The following MCPH1 variants were observed in gnomAD, a reference collection of about 807,000 sequenced individuals.
MCPH1 encodes the protein microcephalin.
In MCPH1, 104 loss-of-function variants were observed where a neutral mutation model predicts 84.5. The observed-to-expected ratio is 1.23, with a 90% CI of 1.05 to 1.45. MCPH1 has a LOEUF of 1.45. Ranked by LOEUF, MCPH1 falls within the 40% of genes most tolerant of loss-of-function variation. The pLI is 0.00. For synonymous variants in MCPH1, 514 were observed against 366.8 expected, an observed-to-expected ratio of 1.40 and a Z score of -4.58; for missense variants, 1,498 against 1,005.7, an observed-to-expected ratio of 1.49 and a Z score of -6.62.
At chr8:6,421,173 A>T (rs1800140759) in intron 3 of MCPH1, among the ~76,000 whole-genome samples, 1 of 152,110 alleles carries the variant, frequency 6.6e-6, no homozygotes, top group Non-Finnish European at 1.5e-5. Context: ...TTGTCTCTTA[A>T]TGTGCATGCC....
At chr8:6,515,141 C>G (rs1226754386) in intron 12 of MCPH1, among the ~76,000 whole-genome samples, 1 of 152,072 alleles carries the variant, frequency 6.6e-6, no homozygotes, top group South Asian at 2.1e-4. Context: ...GGCCCCGAAC[C>G]CCACATCTCC....
intron 13 of MCPH1, among the ~76,000 whole-genome samples, chr8:6,634,319 C>T (rs1309429134): frequency 6.6e-6 from 1 of 152,168 alleles, no homozygotes. Context: ...CACAAGGCAG[C>T]GTCGAAACTC....
intron 1 of MCPH1, among the ~76,000 whole-genome samples, chr8:6,408,034 A>G (rs1341965201): frequency 6.6e-6 from 1 of 152,222 alleles, no homozygotes; most frequent in Non-Finnish European, 1.5e-5. Context: ...CAAATACTGT[A>G]TTGGCCACAA....
intron 11 of MCPH1, among the ~76,000 whole-genome samples, chr8:6,485,076 C>T (rs1187448883): frequency 6.6e-6 from 1 of 152,080 alleles, no homozygotes; most frequent in Non-Finnish European, 1.5e-5. Context: ...CCTGTAATCC[C>T]AGCACTTTTG....
At chr8:6,426,901 G>T (rs912316069) in intron 3 of MCPH1, among the ~76,000 whole-genome samples, 1 of 152,094 alleles carries the variant, frequency 6.6e-6, no homozygotes, top group African/African-American at 2.4e-5. Flanking sequence ...ATACAATTCA[G>T]TGGTTTTAAA....
intron 12 of MCPH1, among the ~76,000 whole-genome samples, chr8:6,561,147 C>T (rs764122951): frequency 1.5e-4 from 23 of 152,170 alleles, no homozygotes; most frequent in African/African-American, 3.1e-4. Flanking sequence ...TTAAGCTTAG[C>T]GTAATTATTC....
chr8:6,439,388 A>G (rs1471891634), intron 6 of MCPH1, among the ~76,000 whole-genome samples: 2 of 145,002 alleles, frequency 1.4e-5, no homozygotes, highest in South Asian at 4.4e-4. Flanking sequence ...AAAATGAATC[A>G]TGTCTTTTTT....
chr8:6,518,697 C>T (rs980642312), intron 12 of MCPH1, among the ~76,000 whole-genome samples: 1 of 152,072 alleles, frequency 6.6e-6, no homozygotes, highest in African/African-American at 2.4e-5. Flanking sequence ...CGAAAATTTC[C>T]ACTTTGGTAC....
intron 12 of MCPH1, among the ~76,000 whole-genome samples, chr8:6,563,821 C>T (rs1443263483): frequency 2.0e-5 from 3 of 152,086 alleles, no homozygotes; most frequent in African/African-American, 4.8e-5. Context: ...GTTATTAAGT[C>T]ACGTTAGAAA....
At chr8:6,529,667 GTTGC>G (rs1819077514) in intron 12 of MCPH1, among the ~76,000 whole-genome samples, 1 of 130,506 alleles carries the variant, frequency 7.7e-6, no homozygotes, top group South Asian at 2.4e-4. Context: ...GTTTCACCAT[GTTGC>G]TCAAGCTGGT....
intron 12 of MCPH1, among the ~76,000 whole-genome samples, chr8:6,536,349 C>T (rs540154282): frequency 6.6e-6 from 1 of 152,228 alleles, no homozygotes; most frequent in African/African-American, 2.4e-5. Flanking sequence ...ACTGGAATGA[C>T]CCTCAGCAAA....
chr8:6,469,289 A>G (rs1585952199), intron 9 of MCPH1, among the ~76,000 whole-genome samples: 1 of 152,338 alleles, frequency 6.6e-6, no homozygotes, highest in African/African-American at 2.4e-5. Flanking sequence ...CAACATTATT[A>G]TATTTAATGC....
intron 11 of MCPH1, among the ~76,000 whole-genome samples, chr8:6,492,061 C>A: frequency 6.6e-6 from 1 of 152,194 alleles, no homozygotes; most frequent in Admixed American, 6.5e-5. Flanking sequence ...CACTGACTTC[C>A]ACAATGGTTG....
intron 12 of MCPH1, among the ~76,000 whole-genome samples, chr8:6,525,353 C>G (rs1328277113): frequency 6.6e-6 from 1 of 152,120 alleles, no homozygotes; most frequent in Non-Finnish European, 1.5e-5. Context: ...CCTCAGCCAT[C>G]CAAATAGGAG....
chr8:6,424,365 C>G (rs1800730862), intron 3 of MCPH1, among the ~76,000 whole-genome samples: 1 of 152,184 alleles, frequency 6.6e-6, no homozygotes, highest in East Asian at 1.9e-4. Context: ...GACCGAAGGC[C>G]ATCACCCCCT....
At chr8:6,502,978 G>C in intron 12 of MCPH1, 1 of 1,178,728 alleles carries the variant, frequency 8.5e-7, no homozygotes, top group Non-Finnish European at 1.2e-6. Context: ...TGTGGGTCCC[G>C]TCAGCACCGA....
intron 12 of MCPH1, among the ~76,000 whole-genome samples, chr8:6,554,649 T>A (rs1408834149): frequency 6.6e-6 from 1 of 152,204 alleles, no homozygotes; most frequent in East Asian, 1.9e-4. Flanking sequence ...AGTTGTCAGG[T>A]TAATGTAAAG....
intron 6 of MCPH1, among the ~76,000 whole-genome samples, chr8:6,439,576 T>C (rs1803200701): frequency 6.6e-6 from 1 of 151,972 alleles, no homozygotes; most frequent in South Asian, 2.1e-4. Flanking sequence ...TTTGTATTTT[T>C]AGTAGAGACG....
intron 8 of MCPH1, among the ~76,000 whole-genome samples, chr8:6,453,169 T>G (rs1413540261): frequency 1.3e-5 from 2 of 152,160 alleles, no homozygotes; most frequent in African/African-American, 4.8e-5. Context: ...GGTAGGTGTT[T>G]GTTTACAGAC....
Sources: gnomAD v4.1 joint callset for allele counts (sites outside exome capture counted in the v4.1 genomes callset) on GRCh38, gnomAD v4.1.1 for gene constraint, MANE v1.5 for transcripts, NCBI Gene and HGNC (gene_info 2026-07-23, HGNC 2026-07-21) for gene names.